LRRC39: variants seen among roughly 807,000 people sequenced by gnomAD.
LRRC39 encodes the protein leucine-rich repeat-containing protein 39.
LRRC39 carries 35 observed loss-of-function variants against 39.7 expected under a neutral mutation model. The observed-to-expected ratio is 0.88, with a 90% CI of 0.67 to 1.17. The LOEUF is 1.17. LRRC39 is among the 50% of genes most tolerant of loss of function. The probability of loss-of-function intolerance (pLI) is 0.00; values close to 1 mark genes in which losing one functional copy is unlikely to be tolerated. For synonymous variants in LRRC39, 113 were observed against 134.1 expected (o/e 0.84, Z 1.09); for missense variants, 357 against 385.8 (o/e 0.93, Z 0.62).
chr1:100,152,345 C>A, intron 9 of LRRC39, 40 bp downstream of exon 9: 1 of 1,588,630 alleles, frequency 6.3e-7, no homozygotes, highest in Admixed American at 1.7e-5. Flanking sequence ...CATTACTCTA[C>A]CAAAAAACAT....
intron 5 of LRRC39, among the ~76,000 whole-genome samples, 175 bp from the exon 6 acceptor site, chr1:100,158,542 A>G (rs1658638675): frequency 6.6e-6 from 1 of 151,814 alleles, no homozygotes; most frequent in Admixed American, 6.6e-5. Context: ...GGTTCACGCC[A>G]TTTTCCTGCC....
chr1:100,152,396 C>T lies in LRRC39; in HGVS notation c.941G>A (p.Arg314Gln), dbSNP rs372225768. Residue 314 changes from arginine to glutamine, a missense_variant, in exon 9 of 10, where the codon CGG becomes CAG. Arg to Gln is a conservative substitution (Grantham distance 43). Transcript: ENST00000370137. ...TACAAATCTTATACCTGCTCTTCTC[C>T]GTGACTCTTGTATGTATGTGTGCAT... ...QFMHTYIQES[R>Q]RRADHQVNGS... The T allele has an allele frequency of 6.0e-5, 97 of 1,613,522 alleles. No homozygotes were observed. The highest frequency in any genetic ancestry group is 5.5e-4 in the African/African-American group (41 of 74,896).
In LRRC39 at chr1:100,159,321, A is replaced by T. The variant is rs1658699241; in HGVS notation, c.314T>A (p.Phe105Tyr). Reference protein sequence around the residue: ...LLKIPEFIGRFQNLIVLDLSR... With the variant: ...LLKIPEFIGRYQNLIVLDLSR... ...TAAATCTAACACAATGAGGTTCTGG[A>T]ATCTTCCAATGAATTCAGGAATTTT... is the stretch of plus-strand genomic sequence containing the variant. Residue 105 changes from phenylalanine to tyrosine, a missense_variant, in exon 5 of 10, where the codon TTC (phenylalanine) becomes TAC (tyrosine). Physicochemically the swap from Phe to Tyr is conservative, Grantham distance 22. Coordinates refer to ENST00000370137, the MANE Select transcript of LRRC39 (RefSeq NM_144620.4). 1.9e-6 allele frequency: 3 copies of T among 1,611,074 alleles called. No individual in the cohort carries two copies. Among genetic ancestry groups the T allele is most frequent in the Non-Finnish European group, 2.5e-6 (3 of 1,178,598 alleles).
chr1:100,150,105 A>G (rs1657823198), intron 9 of LRRC39: 1 of 152,466 alleles, frequency 6.6e-6, no homozygotes. Flanking sequence ...GATGATAACA[A>G]TAATACCTAC....
intron 2 of LRRC39, among the ~76,000 whole-genome samples, chr1:100,171,008 AATCAT>A (rs1557929370): frequency 6.6e-6 from 1 of 152,242 alleles, no homozygotes; most frequent in African/African-American, 2.4e-5. Flanking sequence ...ATAAAAGATC[AATCAT>A]ATCATAATAA....
chr1:100,163,534 A>C (rs1044534099), intron 3 of LRRC39, among the ~76,000 whole-genome samples: 1 of 151,926 alleles, frequency 6.6e-6, no homozygotes, highest in African/African-American at 2.4e-5. Flanking sequence ...TGAGGTTATA[A>C]TTAAATGATA....
chr1:100,174,200 G>A (rs1659815152), intron 1 of LRRC39, among the ~76,000 whole-genome samples: 1 of 152,130 alleles, frequency 6.6e-6, no homozygotes, highest in African/African-American at 2.4e-5. Context: ...TATGGTACTA[G>A]ATAATGTTAT....
At chr1:100,158,617 T>C (rs543347816) in intron 5 of LRRC39, among the ~76,000 whole-genome samples, 99 of 152,216 alleles carry the variant, frequency 6.5e-4, no homozygotes, top group Middle Eastern at 3.4e-3. Flanking sequence ...TTTGTATTTT[T>C]AGTAGAGACG....
intron 9 of LRRC39, among the ~76,000 whole-genome samples, chr1:100,151,222 C>T (rs1657984695): frequency 6.6e-6 from 1 of 151,272 alleles, no homozygotes; most frequent in South Asian, 2.1e-4. Context: ...TTCTGTACTT[C>T]ATTCTCCATC....
chr1:100,168,331 A>G (rs2101790976), intron 3 of LRRC39, 73 bp downstream of exon 3: 2 of 1,093,234 alleles, frequency 1.8e-6, no homozygotes, highest in Non-Finnish European at 2.6e-6. Context: ...CAAGGCATTT[A>G]GAATGCTCTT....
intron 5 of LRRC39, among the ~76,000 whole-genome samples, 171 bp from the exon 6 acceptor site, chr1:100,158,538 C>T (rs997742974): frequency 6.6e-6 from 1 of 152,006 alleles, no homozygotes; most frequent in Non-Finnish European, 1.5e-5. Flanking sequence ...CCCGGGTTCA[C>T]GCCATTTTCC....
chr1:100,156,287 C>G lies in LRRC39; in HGVS notation c.544G>C (p.Asp182His). 2 of 1,612,110 alleles carry G rather than the reference C, an allele frequency of 1.2e-6. No individual in the cohort carries two copies. The highest frequency in any genetic ancestry group is 3.3e-5 in the Admixed American group (2 of 59,920). Residue 182 changes from aspartate (D) to histidine (H), a missense_variant, in exon 7 of 10, where the codon GAT becomes CAT. Physicochemically the swap from Asp to His is moderately conservative, Grantham distance 81 (BLOSUM62 -1). Coordinates refer to ENST00000370137, the MANE Select transcript of LRRC39 (RefSeq NM_144620.4). Reference sequence around the variant, plus strand: ...GTAGTAAAATCGTTCATACTCAGATCAAGGTGAGTAAGTTTTAGCAGATTG... The same window carrying G: ...GTAGTAAAATCGTTCATACTCAGATGAAGGTGAGTAAGTTTTAGCAGATTG... Reference protein sequence around the residue: ...LSNLLKLTHLDLSMNDFTTIP... With the variant: ...LSNLLKLTHLHLSMNDFTTIP...
intron 8 of LRRC39, 62 bp from the exon 9 acceptor site, chr1:100,152,586 T>C (rs1381994558): frequency 1.3e-6 from 2 of 1,543,908 alleles, no homozygotes; most frequent in Non-Finnish European, 1.8e-6. Flanking sequence ...TTTATTTCCC[T>C]GGAGAAAGGT....
rs185152103 is a variant in LRRC39 at position 100,160,940 on chromosome 1, A to T, written c.114-369T>A. ...CGCCCAGCCACTTTTATATATATAT[A>T]TTTTAATTACCAATCAAAAACCATT... On this transcript the variant is annotated intron_variant, in intron 3 of 9. Coordinates refer to ENST00000370137, the MANE Select transcript of LRRC39 (RefSeq NM_144620.4). Among the ~76,000 whole-genome samples, 1,270 of 152,146 alleles carry T rather than the reference A, an allele frequency of 8.3e-3. 9 individuals are homozygous for T. The highest frequency in any genetic ancestry group is 0.013 in the Non-Finnish European group (899 of 67,986).
intron 2 of LRRC39, among the ~76,000 whole-genome samples, chr1:100,170,712 C>T (rs1659543492): frequency 6.6e-6 from 1 of 151,784 alleles, no homozygotes; most frequent in Non-Finnish European, 1.5e-5. Flanking sequence ...TCCCTTTCTT[C>T]TTTCTTTCTT....
In LRRC39 at chr1:100,149,303, T is replaced by C; in HGVS notation, c.953-206A>G. ...GATCTGGAAAGCACAATTGTGATTT[T>C]CTCAAATGCAGACAATTCAGAGATA... On this transcript the variant is annotated intron_variant, in intron 9 of 9. Transcript: ENST00000370137. 2.6e-6 allele frequency: 4 copies of C among 1,532,460 alleles called. No homozygotes were observed. In the South Asian group the frequency reaches 5.1e-5, roughly 20 times the overall value. 94.9% of individuals were successfully genotyped at this position (1,532,460 alleles called of 1,614,324 possible).
At chr1:100,155,529 C>T (rs1026515402) in intron 7 of LRRC39, among the ~76,000 whole-genome samples, 3 of 152,306 alleles carry the variant, frequency 2.0e-5, no homozygotes, top group African/African-American at 7.2e-5. Context: ...CAGTACAACT[C>T]TCATGTCATA....
intron 6 of LRRC39, among the ~76,000 whole-genome samples, chr1:100,157,271 G>T (rs922206642): frequency 3.9e-5 from 6 of 152,116 alleles, no homozygotes; most frequent in African/African-American, 1.4e-4. Context: ...CCCCCTTACT[G>T]TTCTCATGGT....
intron 4 of LRRC39, among the ~76,000 whole-genome samples, 157 bp from the exon 5 acceptor site, chr1:100,159,572 G>A (rs1462011045): frequency 6.7e-6 from 1 of 148,988 alleles, no homozygotes; most frequent in East Asian, 2.0e-4. Flanking sequence ...TGTGACTTCC[G>A]GATTTTAAGA....
Sources: allele counts gnomAD v4.1 joint callset (sites outside exome capture counted in the v4.1 genomes callset), GRCh38; gene constraint gnomAD v4.1.1; transcripts MANE v1.5; gene names NCBI Gene and HGNC (gene_info 2026-07-23, HGNC 2026-07-21).